Variants in WDR72 observed in about 807,000 individuals in gnomAD.
The protein encoded by WDR72 is WD repeat-containing protein 72.
A neutral mutation model predicts 124.2 loss-of-function variants in WDR72; 120 were observed. The observed-to-expected ratio is 0.97, with a 90% CI of 0.83 to 1.12. The LOEUF (loss-of-function observed/expected upper bound fraction) is 1.12. Among genes scored for constraint, WDR72 ranks in the 50% most tolerant of loss-of-function variants. The probability of loss-of-function intolerance (pLI) is 0.00; values close to 1 mark genes in which losing one functional copy is unlikely to be tolerated. For missense variants in WDR72, 1,387 were observed against 1,278.8 expected (o/e 1.08, Z -1.29); for synonymous variants, 452 against 441.7 (o/e 1.02, Z -0.29).
At chr15:53,663,846 C>G (rs2015688775) in intron 14 of WDR72, among the ~76,000 whole-genome samples, 1 of 150,148 alleles carries the variant, frequency 6.7e-6, no homozygotes, top group African/African-American at 2.5e-5. Flanking sequence ...TTCAATTTCC[C>G]ACCTTATGTT....
intron 15 of WDR72, among the ~76,000 whole-genome samples, chr15:53,614,350 G>T (rs2013672229): frequency 6.6e-6 from 1 of 152,058 alleles, no homozygotes; most frequent in Non-Finnish European, 1.5e-5. Context: ...TTGTTGGAAG[G>T]ATTTGGTGTG....
Position 53,698,015 on chromosome 15 carries a change from A to C in WDR72, c.1765+1735T>G, listed in dbSNP as rs142025632. ...TAGTAGACAAGAGCACTTATTAAGTAGTAGGATAGGATTATTTGTTTTTCT... is the reference window on the plus strand; with the variant it reads ...TAGTAGACAAGAGCACTTATTAAGTCGTAGGATAGGATTATTTGTTTTTCT... On this transcript the variant is annotated intron_variant, in intron 13 of 19. Transcript: ENST00000360509. Among the ~76,000 whole-genome samples the C allele has an allele frequency of 6.6e-5, 10 of 152,312 alleles. No homozygotes were observed. In the South Asian group the frequency reaches 1.5e-3, roughly 22 times the overall value.
At chr15:53,644,623 A>AT (rs34711537) in intron 14 of WDR72, among the ~76,000 whole-genome samples, 13,784 of 152,048 alleles carry the variant, frequency 0.091, 1,581 homozygotes, top group African/African-American at 0.27. Flanking sequence ...GAACAAAAAG[A>AT]ATCCCAACAA....
intron 18 of WDR72, among the ~76,000 whole-genome samples, chr15:53,550,956 G>T (rs56021461): frequency 0.045 from 6,832 of 152,188 alleles, 429 homozygotes; most frequent in African/African-American, 0.14. Flanking sequence ...TGAGTAATAT[G>T]AAAGAAATTC....
Position 53,523,204 on chromosome 15 carries a change from T to A in WDR72, c.3253+14A>T. The A allele has an allele frequency of 6.2e-7, 1 of 1,611,312 alleles. No individual in the cohort carries two copies. The highest frequency in any genetic ancestry group is 8.5e-7 in the Non-Finnish European group (1 of 1,178,048). On this transcript the variant is annotated intron_variant, in intron 19 of 19. Coordinates refer to ENST00000360509, the MANE Select transcript of WDR72 (RefSeq NM_182758.4). ...TTATCATTTTATACTTGACTATTTT[T>A]AAATGGCTTTCACCTGGACTCTCAG...
intron 1 of WDR72, among the ~76,000 whole-genome samples, chr15:53,754,926 GAT>G (rs1223918181): frequency 6.6e-6 from 1 of 152,160 alleles, no homozygotes; most frequent in Non-Finnish European, 1.5e-5. Context: ...AATCAATAAA[GAT>G]ATGTTTTCAT....
intron 17 of WDR72, among the ~76,000 whole-genome samples, chr15:53,603,884 C>T (rs1413847285): frequency 4.6e-5 from 7 of 152,130 alleles, no homozygotes; most frequent in South Asian, 2.1e-4. Context: ...GAAGAATCAA[C>T]GTCATTAAAA....
chr15:53,527,882 G>A (rs529346083), intron 18 of WDR72, among the ~76,000 whole-genome samples: 2 of 151,972 alleles, frequency 1.3e-5, no homozygotes, highest in Non-Finnish European at 2.9e-5. Flanking sequence ...AGCTCAATAT[G>A]GTAGCCAAGA....
At position 53,603,205 on chromosome 15, in the gene WDR72, T is replaced by C. The variant is rs138831309; in HGVS notation, c.2953-5931A>G. 7.6e-3 allele frequency among the ~76,000 whole-genome samples: 1,161 copies of C among 152,056 alleles called. 19 individuals carry two copies. The highest frequency in any genetic ancestry group is 0.027 in the African/African-American group (1,122 of 41,448). ...AACATATGCAAATCAATAAATATGA[T>C]TCATCACATAAACAGAACTAAAGAC... On this transcript the variant is annotated intron_variant, in intron 17 of 19. Coordinates refer to ENST00000360509, the MANE Select transcript of WDR72 (RefSeq NM_182758.4).
At chr15:53,616,709 T>C (rs2013782583) in intron 14 of WDR72, among the ~76,000 whole-genome samples, 1 of 152,036 alleles carries the variant, frequency 6.6e-6, no homozygotes, top group Non-Finnish European at 1.5e-5. Context: ...CAATGTCATA[T>C]TGCTCTAAGA....
At position 53,621,430 on chromosome 15, in the gene WDR72, GATATATAT is replaced by G. The variant is rs57355125; in HGVS notation, c.1963-5195_1963-5188del. 2.3e-3 allele frequency among the ~76,000 whole-genome samples: 281 copies of G among 124,376 alleles called. 11 individuals are homozygous for G. Among genetic ancestry groups the G allele is most frequent in the African/African-American group, 9.8e-3 (271 of 27,636 alleles). The allele number at this position is 124,376 out of a possible 152,430, so 81.6% of individuals were successfully genotyped here. A position where few individuals can be genotyped will look rare whatever the true frequency, so the allele number is the denominator to read the frequency against. On this transcript the variant is annotated intron_variant, in intron 14 of 19. Coordinates refer to ENST00000360509, the MANE Select transcript of WDR72 (RefSeq NM_182758.4). ...ATCAATGAGTGGATAAAGAAACTGT[GATATATAT>G]ATATATATATATATATATATGATAG... is the stretch of plus-strand genomic sequence containing the variant.
At chr15:53,627,398 C>T (rs996165166) in intron 14 of WDR72, among the ~76,000 whole-genome samples, 1 of 152,094 alleles carries the variant, frequency 6.6e-6, no homozygotes, top group Non-Finnish European at 1.5e-5. Context: ...AGACCTAGCC[C>T]CATCTATTAG....
At chr15:53,535,968 ATATCCT>A (rs1892739427) in intron 18 of WDR72, among the ~76,000 whole-genome samples, 1 of 152,170 alleles carries the variant, frequency 6.6e-6, no homozygotes, top group South Asian at 2.1e-4. Context: ...TTATAATGGC[ATATCCT>A]AGGATGCCTG....
chr15:53,626,483 C>T (rs1389479270), intron 14 of WDR72, among the ~76,000 whole-genome samples: 3 of 152,130 alleles, frequency 2.0e-5, no homozygotes, highest in Non-Finnish European at 2.9e-5. Flanking sequence ...CAGTGGTGGA[C>T]GGCGAGCCAA....
At chr15:53,536,635 C>A (rs16966177) in intron 18 of WDR72, among the ~76,000 whole-genome samples, 1 of 152,030 alleles carries the variant, frequency 6.6e-6, no homozygotes, top group Non-Finnish European at 1.5e-5. Context: ...TGTTCTCCAG[C>A]TGACGTTTTA....
At chr15:53,644,297 G>C (rs2140416751) in intron 14 of WDR72, among the ~76,000 whole-genome samples, 1 of 151,998 alleles carries the variant, frequency 6.6e-6, no homozygotes, top group South Asian at 2.1e-4. Flanking sequence ...ATCTTTTCTT[G>C]GTGGTACATA....
intron 14 of WDR72, among the ~76,000 whole-genome samples, chr15:53,652,695 G>A (rs768109268): frequency 1.3e-5 from 2 of 152,070 alleles, no homozygotes; most frequent in Non-Finnish European, 2.9e-5. Context: ...GCTTATTTTA[G>A]ACAACTTTGT....
intron 13 of WDR72, among the ~76,000 whole-genome samples, chr15:53,671,996 C>T (rs72747356): frequency 2.7e-5 from 4 of 145,720 alleles, no homozygotes; most frequent in South Asian, 2.2e-4. Flanking sequence ...AGGGAGAGAG[C>T]GAGAGAGAGA....
intron 14 of WDR72, among the ~76,000 whole-genome samples, chr15:53,637,240 G>A (rs2014658066): frequency 6.6e-6 from 1 of 152,108 alleles, no homozygotes; most frequent in Admixed American, 6.5e-5. Flanking sequence ...TATAATTGAA[G>A]AGAAATAAAA....
Sources: allele counts gnomAD v4.1 joint callset (sites outside exome capture counted in the v4.1 genomes callset), GRCh38; gene constraint gnomAD v4.1.1; transcripts MANE v1.5; gene names NCBI Gene and HGNC (gene_info 2026-07-23, HGNC 2026-07-21).